DNAAF9: variants seen among roughly 807,000 people sequenced by gnomAD.
DNAAF9 encodes dynein axonemal assembly factor 9.
Under a neutral mutation model 167.0 loss-of-function variants are expected in DNAAF9, and 90 were observed. The ratio of observed to expected loss-of-function variants is 0.54; its 90% CI spans 0.45 to 0.64. DNAAF9 has a LOEUF of 0.64. Ranked by LOEUF, DNAAF9 falls within the 30% of genes least tolerant of loss-of-function variation. DNAAF9 has a pLI of 0.00. For missense variants in DNAAF9, 1,315 were observed against 1,442.2 expected, an observed-to-expected ratio of 0.91 and a Z score of 1.43; for synonymous variants, 491 against 508.8, an observed-to-expected ratio of 0.96 and a Z score of 0.47.
intron 10 of DNAAF9, among the ~76,000 whole-genome samples, chr20:3,334,339 A>G (rs979395208): frequency 1.3e-5 from 2 of 152,188 alleles, no homozygotes; most frequent in Non-Finnish European, 2.9e-5. Context: ...GACTCTCCTC[A>G]GTGTTCCCTC....
chr20:3,254,780 G>T (rs1399527800), intron 35 of DNAAF9, among the ~76,000 whole-genome samples: 1 of 152,206 alleles, frequency 6.6e-6, no homozygotes, highest in African/African-American at 2.4e-5. Flanking sequence ...GGGGGTCAGA[G>T]CCTGGAGGCT....
intron 14 of DNAAF9, among the ~76,000 whole-genome samples, chr20:3,324,144 G>A (rs2069669286): frequency 6.6e-6 from 1 of 152,196 alleles, no homozygotes; most frequent in Non-Finnish European, 1.5e-5. Flanking sequence ...TGGGGCTGCA[G>A]AAATAGAATT....
chr20:3,327,138 G>A (rs1174056186), intron 12 of DNAAF9, among the ~76,000 whole-genome samples: 1 of 152,122 alleles, frequency 6.6e-6, no homozygotes, highest in African/African-American at 2.4e-5. Flanking sequence ...TGCCACGAAG[G>A]TCCCTAGAAA....
rs753504100 is a variant in DNAAF9 at position 3,381,372 on chromosome 20, T to A, written c.283+7A>T. 7 of 1,604,030 alleles carry A rather than the reference T, an allele frequency of 4.4e-6. No individual in the cohort carries two copies. The East Asian group carries it at 1.6e-4, about 36-fold the overall frequency. On this transcript the variant is annotated splice_region_variant and intron_variant, in intron 3 of 36. Coordinates refer to ENST00000252032, the MANE Select transcript of DNAAF9 (RefSeq NM_001009984.3). ...CTATCACACAGAGTTTACCAATATA[T>A]ACTTACCATCTAGTACTTCTTCAGA...
intron 3 of DNAAF9, among the ~76,000 whole-genome samples, chr20:3,379,098 G>A (rs540364994): frequency 4.0e-4 from 61 of 151,908 alleles, no homozygotes; most frequent in African/African-American, 1.5e-3. Context: ...TGAAGACTGA[G>A]GGCTTCTGGT....
At chr20:3,322,812 G>T in intron 14 of DNAAF9, 116 bp from the exon 15 acceptor site, 2 of 796,500 alleles carry the variant, frequency 2.5e-6, no homozygotes, top group Non-Finnish European at 4.5e-6. Context: ...TGTCATCCTT[G>T]CTTTACACAG....
chr20:3,256,760 T>G (rs1413647229), intron 33 of DNAAF9, among the ~76,000 whole-genome samples: 1 of 152,202 alleles, frequency 6.6e-6, no homozygotes, highest in East Asian at 1.9e-4. Flanking sequence ...GTTGCTGGAA[T>G]AGCTGTTATG....
At chr20:3,389,281 G>A (rs1444547242) in intron 1 of DNAAF9, among the ~76,000 whole-genome samples, 1 of 151,798 alleles carries the variant, frequency 6.6e-6, no homozygotes, top group African/African-American at 2.4e-5. Context: ...GAGTAGCTGG[G>A]GCTACAGGTG....
chr20:3,328,915 G>A (rs1178624475), intron 12 of DNAAF9, among the ~76,000 whole-genome samples: 1 of 148,250 alleles, frequency 6.7e-6, no homozygotes, highest in African/African-American at 2.5e-5. Context: ...TGTCACCCAG[G>A]CTAGAGTGCA....
In DNAAF9 at chr20:3,309,240, T is replaced by C. The variant is rs745404129; in HGVS notation, c.1679-4697A>G. ...AATTTAAAGATCACTTTGGAGAGAA[T>C]TGTCATTTTTACCATGTCAAGTAAG... is the stretch of plus-strand genomic sequence containing the variant. On this transcript the variant is annotated intron_variant, in intron 20 of 36. Coordinates refer to ENST00000252032, the MANE Select transcript of DNAAF9 (RefSeq NM_001009984.3). Among the ~76,000 whole-genome samples the C allele has an allele frequency of 2.6e-5, 4 of 152,082 alleles. No individual in the cohort carries two copies. The East Asian group carries it at 5.8e-4, about 22-fold the overall frequency.
In DNAAF9 at chr20:3,374,089, C is replaced by G; in HGVS notation, c.571G>C (p.Glu191Gln). The part of the protein sequence containing the change: ...KWPIVQAFAL[E>Q]GIGGDGFFTM... The stretch of plus-strand genomic sequence containing the variant: ...AAAAATCCATCCCCTCCAATGCCCT[C>G]AAGTGCAAAGGCCTGTACAATTGGC... The change falls in exon 6 of 37, where the codon GAG becomes CAG. Residue 191 changes from glutamate to glutamine, a missense_variant. Around this residue, in one of 2 missense-constraint regions of DNAAF9, gnomAD observed 981 missense variants for 1,012.5 expected, o/e 0.97. Transcript: ENST00000252032. 3 of 1,613,712 alleles carry G rather than the reference C, an allele frequency of 1.9e-6. No individual in the cohort carries two copies. Among genetic ancestry groups the G allele is most frequent in the Non-Finnish European group, 1.7e-6 (2 of 1,179,612 alleles).
chr20:3,342,765 G>A (rs1270386536), intron 9 of DNAAF9, among the ~76,000 whole-genome samples: 1 of 152,094 alleles, frequency 6.6e-6, no homozygotes, highest in South Asian at 2.1e-4. Flanking sequence ...ATTGGAATTG[G>A]GGGAAGAAAA....
chr20:3,315,233 C>CA lies in DNAAF9; in HGVS notation c.1591-114dup, dbSNP rs2069482388. ...TTATGTCCGTCTACAAAAGCTGAGTCAGGCTCAGATATGCCCAATGTATTC... is the reference window on the plus strand; with the variant it reads ...TTATGTCCGTCTACAAAAGCTGAGTCAAGGCTCAGATATGCCCAATGTATTC... On this transcript the variant is annotated intron_variant, in intron 19 of 36. Coordinates refer to ENST00000252032, the MANE Select transcript of DNAAF9 (RefSeq NM_001009984.3). The surrounding 1 kb of genome is among the most constrained non-coding windows in gnomAD (Gnocchi z 4.1). 1.4e-6 allele frequency: 1 copy of CA among 727,458 alleles called. No individual in the cohort carries two copies. Among genetic ancestry groups the CA allele is most frequent in the African/African-American group, 1.7e-5 (1 of 57,732 alleles). 45.1% of individuals were successfully genotyped at this position (727,458 alleles called of 1,614,324 possible). A position where few individuals can be genotyped will look rare whatever the true frequency, so the allele number is the denominator to read the frequency against.
At position 3,252,642 on chromosome 20, in the gene DNAAF9, C is replaced by G. The variant is rs773529995; in HGVS notation, c.3464G>C (p.Arg1155Pro). The G allele has an allele frequency of 6.2e-7, 1 of 1,612,674 alleles. No individual in the cohort carries two copies. Among genetic ancestry groups the G allele is most frequent in the African/African-American group, 1.3e-5 (1 of 74,878 alleles). Residue 1155 changes from arginine (R) to proline (P), a missense_variant, in exon 37 of 37, where the codon CGG becomes CCG. Physicochemically the swap from Arg to Pro is moderately radical, Grantham distance 103. Coordinates refer to ENST00000252032, the MANE Select transcript of DNAAF9 (RefSeq NM_001009984.3). ...FMNDYVEEANREIEKYNQELE... is the reference protein window; with the variant it reads ...FMNDYVEEANPEIEKYNQELE... Reference sequence around the variant, plus strand: ...CTCCTGGTTATACTTCTCAATTTCCCGGTTGGCTTCTTCCACGTAGTCATT... The same window carrying G: ...CTCCTGGTTATACTTCTCAATTTCCGGGTTGGCTTCTTCCACGTAGTCATT...
rs116818366 is a variant in DNAAF9 at position 3,400,305 on chromosome 20, G to A, written c.83+7170C>T. On this transcript the variant is annotated intron_variant, in intron 1 of 36. Coordinates refer to ENST00000252032, the MANE Select transcript of DNAAF9 (RefSeq NM_001009984.3). The stretch of plus-strand genomic sequence containing the variant: ...CAGAAAAAGAATGTGTGGAGAAACC[G>A]AGAAAATTCAAATAAAAGCTGGAGT... Among the ~76,000 whole-genome samples the A allele has an allele frequency of 9.0e-3, 1,374 of 152,210 alleles. 20 individuals are homozygous for A. Among genetic ancestry groups the A allele is most frequent in the African/African-American group, 0.032 (1,319 of 41,530 alleles).
At chr20:3,382,108 T>C (rs1158484521) in intron 2 of DNAAF9, among the ~76,000 whole-genome samples, 2 of 152,176 alleles carry the variant, frequency 1.3e-5, no homozygotes, top group Non-Finnish European at 2.9e-5. Context: ...TTTAGGTATA[T>C]ATTTATTACC....
intron 7 of DNAAF9, among the ~76,000 whole-genome samples, chr20:3,352,798 A>T (rs6084348): frequency 0.22 from 32,794 of 151,508 alleles, 4,428 homozygotes; most frequent in South Asian, 0.41. Flanking sequence ...GGTAATTGCA[A>T]TGGATATCAA....
intron 8 of DNAAF9, among the ~76,000 whole-genome samples, chr20:3,344,166 T>G (rs535580866): frequency 1.6e-4 from 24 of 152,274 alleles, no homozygotes; most frequent in Admixed American, 1.4e-3. Flanking sequence ...TCCAATACAT[T>G]AATATATACA....
chr20:3,296,892 C>A lies in DNAAF9; in HGVS notation c.1987G>T (p.Glu663Ter). The A allele has an allele frequency of 6.2e-7, 1 of 1,611,234 alleles. No homozygotes were observed. Among genetic ancestry groups the A allele is most frequent in the Non-Finnish European group, 8.5e-7 (1 of 1,177,402 alleles). ...TTTTGTTCCACAGATAATCCATCTTCCTGGATCACTTTTAAAGAGATCCCT... is the reference window on the plus strand; with the variant it reads ...TTTTGTTCCACAGATAATCCATCTTACTGGATCACTTTTAAAGAGATCCCT... ...NSGISLKVIQ[E>*]DGLSVEQKRL... Residue 663 changes from glutamate to a stop codon, truncating the protein, a stop_gained, in exon 23 of 37, where the codon GAA becomes TAA. Coordinates refer to ENST00000252032, the MANE Select transcript of DNAAF9 (RefSeq NM_001009984.3). LOFTEE classifies it high-confidence loss of function.
Sources: gnomAD v4.1 joint callset for allele counts (sites outside exome capture counted in the v4.1 genomes callset) on GRCh38, gnomAD v4.1.1 for gene constraint, gnomAD v4.1.1 regional missense constraint, Gnocchi (gnomAD v3.1) non-coding constraint, MANE v1.5 for transcripts, NCBI Gene and HGNC (gene_info 2026-07-23, HGNC 2026-07-21) for gene names.